The following GRM8 variants were observed in gnomAD, a reference collection of about 807,000 sequenced individuals.
The protein encoded by GRM8 is glutamate metabotropic receptor 8.
In GRM8, 47 loss-of-function variants were observed where a neutral mutation model predicts 87.2. That is an observed-to-expected ratio of 0.54 (90% CI 0.43 to 0.69). The LOEUF is 0.69. Among genes scored for constraint, GRM8 ranks in the 30% least tolerant of loss-of-function variants. The pLI, the probability that GRM8 is intolerant of heterozygous loss-of-function variation, is 0.00. For synonymous variants in GRM8, 396 were observed against 404.5 expected (o/e 0.98, Z 0.25); for missense variants, 1,019 against 1,139.2 (o/e 0.89, Z 1.52).
chr7:126,740,392 C>T (rs150534881), intron 7 of GRM8, among the ~76,000 whole-genome samples: 71 of 152,064 alleles, frequency 4.7e-4, no homozygotes, highest in African/African-American at 1.6e-3. Flanking sequence ...ACAAACAGTA[C>T]GAAGACAGAA....
intron 8 of GRM8, among the ~76,000 whole-genome samples, chr7:126,608,827 G>A (rs377604392): frequency 2.0e-5 from 3 of 148,068 alleles, no homozygotes; most frequent in Non-Finnish European, 4.4e-5. Context: ...GCAGTGGCGC[G>A]ACCTCGGCTC....
intron 3 of GRM8, among the ~76,000 whole-genome samples, chr7:127,039,202 G>T (rs1818121620): frequency 6.6e-6 from 1 of 152,184 alleles, no homozygotes; most frequent in Non-Finnish European, 1.5e-5. Flanking sequence ...GAATGTGGCT[G>T]TATTTAGTGA....
At chr7:126,940,898 T>C (rs984301800) in intron 3 of GRM8, among the ~76,000 whole-genome samples, 1 of 152,152 alleles carries the variant, frequency 6.6e-6, no homozygotes, top group Non-Finnish European at 1.5e-5. Context: ...GCAGATGACA[T>C]TGTCGAAAAA....
intron 2 of GRM8, among the ~76,000 whole-genome samples, chr7:127,155,462 C>T (rs1373841421): frequency 1.3e-5 from 2 of 152,096 alleles, no homozygotes; most frequent in Non-Finnish European, 2.9e-5. Flanking sequence ...TGAACAAATA[C>T]ATGAGGGAGG....
At chr7:126,483,741 TTCCCTCCC>T (rs71177560) in intron 9 of GRM8, among the ~76,000 whole-genome samples, 12 of 57,334 alleles carry the variant, frequency 2.1e-4, no homozygotes, top group African/African-American at 5.5e-4. Context: ...CCCTTAGTAT[TTCCCTCCC>T]TCCCTCCCTC....
intron 3 of GRM8, among the ~76,000 whole-genome samples, chr7:126,954,405 C>A (rs1808470704): frequency 6.6e-6 from 1 of 152,084 alleles, no homozygotes; most frequent in East Asian, 1.9e-4. Context: ...TGCAAATAAT[C>A]CAATGTGTTC....
chr7:127,213,578 A>T (rs1264691267), intron 2 of GRM8, among the ~76,000 whole-genome samples: 4 of 152,184 alleles, frequency 2.6e-5, no homozygotes, highest in Non-Finnish European at 5.9e-5. Context: ...CTTCAATTAC[A>T]CATAAATTGG....
At chr7:127,189,010 C>T (rs572560198) in intron 2 of GRM8, among the ~76,000 whole-genome samples, 14 of 152,262 alleles carry the variant, frequency 9.2e-5, no homozygotes, top group Non-Finnish European at 2.1e-4. Context: ...ATCGTAAATC[C>T]AAAACTGCCA....
chr7:126,911,663 C>G (rs1460891074), intron 3 of GRM8, among the ~76,000 whole-genome samples: 1 of 152,156 alleles, frequency 6.6e-6, no homozygotes, highest in Admixed American at 6.5e-5. Flanking sequence ...TGATGCAGGG[C>G]TCAGGGGAAG....
intron 3 of GRM8, among the ~76,000 whole-genome samples, chr7:126,923,152 C>T (rs910697672): frequency 2.0e-5 from 3 of 152,176 alleles, no homozygotes; most frequent in African/African-American, 7.2e-5. Context: ...CATTTCTCCA[C>T]CTTTATGCCT....
intron 8 of GRM8, among the ~76,000 whole-genome samples, chr7:126,589,319 G>A (rs1165830446): frequency 2.6e-5 from 4 of 152,110 alleles, no homozygotes; most frequent in African/African-American, 7.2e-5. Context: ...CTTTTGGATT[G>A]CATGGGAGCC....
At chr7:126,653,298 T>G in intron 7 of GRM8, among the ~76,000 whole-genome samples, 1 of 41,554 alleles carries the variant, frequency 2.4e-5, no homozygotes, top group Non-Finnish European at 6.1e-5. Flanking sequence ...AGATCCTGTC[T>G]CCAAAAAAAA....
At chr7:127,011,170 A>C (rs535034645) in intron 3 of GRM8, among the ~76,000 whole-genome samples, 1 of 152,262 alleles carries the variant, frequency 6.6e-6, no homozygotes, top group African/African-American at 2.4e-5. Flanking sequence ...AATTCATGGA[A>C]TACAAAATAG....
chr7:126,513,873 A>G (rs1811777645), intron 9 of GRM8, among the ~76,000 whole-genome samples: 1 of 152,138 alleles, frequency 6.6e-6, no homozygotes, highest in Non-Finnish European at 1.5e-5. Flanking sequence ...ACTACCAAAC[A>G]CTGAATTACT....
chr7:126,522,423 C>A (rs189324064), intron 9 of GRM8, among the ~76,000 whole-genome samples: 1 of 152,236 alleles, frequency 6.6e-6, no homozygotes, highest in South Asian at 2.1e-4. Context: ...TAAATATACT[C>A]GAATCCCTAG....
chr7:126,719,482 G>A (rs1812131941), intron 7 of GRM8, among the ~76,000 whole-genome samples: 1 of 152,160 alleles, frequency 6.6e-6, no homozygotes, highest in African/African-American at 2.4e-5. Flanking sequence ...GTACTAAAAG[G>A]AGTCATGAAC....
chr7:126,532,146 C>T (rs959384518), intron 9 of GRM8, among the ~76,000 whole-genome samples: 3 of 152,214 alleles, frequency 2.0e-5, no homozygotes, highest in Admixed American at 6.5e-5. Flanking sequence ...CAAACACTCC[C>T]TTCCTATACA....
At chr7:126,925,546 A>G (rs552684196) in intron 3 of GRM8, among the ~76,000 whole-genome samples, 1 of 152,336 alleles carries the variant, frequency 6.6e-6, no homozygotes, top group East Asian at 1.9e-4. Flanking sequence ...AATTTCTAAA[A>G]AAAATATTGT....
At chr7:126,756,163 G>T (rs1048101772) in intron 7 of GRM8, among the ~76,000 whole-genome samples, 3 of 151,886 alleles carry the variant, frequency 2.0e-5, no homozygotes, top group African/African-American at 7.2e-5. Flanking sequence ...GAAAAAAAAG[G>T]ATGGGTTCAA....
Sources: allele counts gnomAD v4.1 joint callset (sites outside exome capture counted in the v4.1 genomes callset), GRCh38; gene constraint gnomAD v4.1.1; transcripts MANE v1.5; gene names NCBI Gene and HGNC (gene_info 2026-07-23, HGNC 2026-07-21).